Variants in PRDM16 observed in about 807,000 individuals in gnomAD.
The protein encoded by PRDM16 is histone-lysine N-methyltransferase PRDM16.
In PRDM16, 23 loss-of-function variants were observed where a neutral mutation model predicts 110.6. The ratio of observed to expected loss-of-function variants is 0.21; its 90% CI spans 0.15 to 0.29. The LOEUF is 0.29. Among genes scored for constraint, PRDM16 ranks in the 10% least tolerant of loss-of-function variants. The probability of loss-of-function intolerance (pLI) is 1.00; values close to 1 mark genes in which losing one functional copy is unlikely to be tolerated. For missense variants in PRDM16, 1,615 were observed against 1,794.3 expected, an observed-to-expected ratio of 0.90 and a Z score of 1.81; for synonymous variants, 799 against 781.8, an observed-to-expected ratio of 1.02 and a Z score of -0.37.
chr1:3,380,363 G>A (rs1032189412), intron 3 of PRDM16, among the ~76,000 whole-genome samples: 1 of 152,026 alleles, frequency 6.6e-6, no homozygotes, highest in Admixed American at 6.5e-5. Context: ...GGGCCACCAG[G>A]TGTAACTCCC....
In PRDM16 at chr1:3,227,986, A is replaced by G. The variant is rs561353965; in HGVS notation, c.388-16101A>G. On this transcript the variant is annotated intron_variant, in intron 2 of 16. Coordinates refer to ENST00000270722, the MANE Select transcript of PRDM16 (RefSeq NM_022114.4). Reference sequence around the variant, plus strand: ...CTGTTTCGAGCCGTGGGCTCTTCGCAGTATCCCAGGCTTCACAGTCACATC... The same window carrying G: ...CTGTTTCGAGCCGTGGGCTCTTCGCGGTATCCCAGGCTTCACAGTCACATC... 8.4e-4 allele frequency among the ~76,000 whole-genome samples: 128 copies of G among 152,354 alleles called. 2 individuals are homozygous for G. Among genetic ancestry groups the G allele is most frequent in the Non-Finnish European group, 1.7e-3 (113 of 68,034 alleles).
At chr1:3,180,165 T>C (rs1226407019) in intron 1 of PRDM16, among the ~76,000 whole-genome samples, 1 of 151,802 alleles carries the variant, frequency 6.6e-6, no homozygotes, top group East Asian at 1.9e-4. Flanking sequence ...GTTGTTTCTG[T>C]TTTTTGTTTT....
At chr1:3,126,153 C>T (rs1336752014) in intron 1 of PRDM16, among the ~76,000 whole-genome samples, 2 of 152,218 alleles carry the variant, frequency 1.3e-5, no homozygotes, top group Non-Finnish European at 2.9e-5. Context: ...GAGAAAGGGG[C>T]CATTGTGGGC....
chr1:3,424,795 C>CTGGT (rs1465457469), intron 12 of PRDM16: 1 of 152,552 alleles, frequency 6.6e-6, no homozygotes, highest in Non-Finnish European at 1.5e-5. Flanking sequence ...TCACAGGGAG[C>CTGGT]TGGTCTGGGA....
intron 2 of PRDM16, among the ~76,000 whole-genome samples, chr1:3,202,805 C>T (rs940168682): frequency 2.0e-5 from 3 of 152,202 alleles, no homozygotes; most frequent in Admixed American, 6.5e-5. Context: ...AGCAAGCCAT[C>T]GTGGCCTCTG....
intron 3 of PRDM16, among the ~76,000 whole-genome samples, chr1:3,323,573 G>A (rs1450938172): frequency 1.3e-5 from 2 of 152,236 alleles, no homozygotes; most frequent in East Asian, 3.8e-4. Context: ...CCCGCCAGCT[G>A]CCGCCAGTGC....
intron 1 of PRDM16, among the ~76,000 whole-genome samples, chr1:3,090,561 T>C (rs2981876): frequency 0.027 from 4,081 of 152,324 alleles, 160 homozygotes; most frequent in African/African-American, 0.093. Context: ...CTGTGCTCTC[T>C]CCAGGTGTGG....
At chr1:3,288,597 C>T (rs1352512436) in intron 3 of PRDM16, among the ~76,000 whole-genome samples, 1 of 152,172 alleles carries the variant, frequency 6.6e-6, no homozygotes, top group African/African-American at 2.4e-5. Flanking sequence ...CCTGTGCTCA[C>T]CTAGGGGTCC....
intron 1 of PRDM16, among the ~76,000 whole-genome samples, chr1:3,174,062 C>G (rs1644058924): frequency 6.6e-6 from 1 of 152,188 alleles, no homozygotes; most frequent in Non-Finnish European, 1.5e-5. Context: ...TGCTCCTACT[C>G]CGGAGGCCAG....
intron 8 of PRDM16, among the ~76,000 whole-genome samples, chr1:3,411,172 C>G (rs1569726348): frequency 6.6e-6 from 1 of 152,182 alleles, no homozygotes; most frequent in African/African-American, 2.4e-5. Flanking sequence ...CACACATGCA[C>G]CTGCCTGTGT....
intron 3 of PRDM16, among the ~76,000 whole-genome samples, chr1:3,335,188 G>C (rs903843876): frequency 1.3e-5 from 2 of 152,214 alleles, no homozygotes; most frequent in African/African-American, 4.8e-5. Context: ...CAGCCCCAGC[G>C]TCCTGCTCTG....
At chr1:3,273,470 A>G (rs1355966893) in intron 3 of PRDM16, among the ~76,000 whole-genome samples, 1 of 150,916 alleles carries the variant, frequency 6.6e-6, no homozygotes, top group Non-Finnish European at 1.5e-5. Flanking sequence ...GTGTGAGTGA[A>G]TGTGTGTGCA....
intron 1 of PRDM16, among the ~76,000 whole-genome samples, chr1:3,076,728 G>A (rs747756533): frequency 1.3e-5 from 2 of 152,190 alleles, no homozygotes; most frequent in Non-Finnish European, 1.5e-5. Context: ...AGGCTTTACC[G>A]GGGCTTCTTA....
intron 1 of PRDM16, among the ~76,000 whole-genome samples, chr1:3,114,561 A>C (rs986209510): frequency 2.0e-5 from 3 of 150,884 alleles, no homozygotes; most frequent in African/African-American, 7.3e-5. Flanking sequence ...CACGTGCACA[A>C]ACAAGCACAC....
Position 3,425,773 on chromosome 1 carries a change from GC to G in PRDM16, c.3109+28del. ...CAGGTGGGCCACGCGGGGTGGGGCA[GC>G]CCCCAGAGCACCCACACGGGCAGGC... is the stretch of plus-strand genomic sequence containing the variant. On this transcript the variant is annotated intron_variant, in intron 13 of 16. Coordinates refer to ENST00000270722, the MANE Select transcript of PRDM16 (RefSeq NM_022114.4). The surrounding 1 kb of genome is among the most constrained non-coding windows in gnomAD (Gnocchi z 6.9). The G allele has an allele frequency of 6.2e-7, 1 of 1,612,018 alleles. No homozygotes were observed. The highest frequency in any genetic ancestry group is 8.5e-7 in the Non-Finnish European group (1 of 1,179,200).
intron 4 of PRDM16, among the ~76,000 whole-genome samples, chr1:3,389,788 G>C (rs796509625): frequency 1.3e-4 from 20 of 152,314 alleles, no homozygotes; most frequent in African/African-American, 4.8e-4. Flanking sequence ...CGGGGACCGA[G>C]CCTTTCCCCT....
At chr1:3,384,799 A>G (rs577442910) in intron 3 of PRDM16, among the ~76,000 whole-genome samples, 2 of 152,308 alleles carry the variant, frequency 1.3e-5, no homozygotes, top group South Asian at 2.1e-4. Context: ...CTGCTCCCAG[A>G]TGCAGCAGTC....
intron 1 of PRDM16, among the ~76,000 whole-genome samples, chr1:3,073,262 G>A (rs2472826): frequency 0.12 from 17,842 of 152,234 alleles, 2,120 homozygotes; most frequent in African/African-American, 0.3. Context: ...GTGGCAGCTC[G>A]CTGGGCCGCT....
chr1:3,367,184 T>A (rs1642831027), intron 3 of PRDM16, among the ~76,000 whole-genome samples: 2 of 151,830 alleles, frequency 1.3e-5, no homozygotes, highest in South Asian at 4.2e-4. Context: ...CAGGAGAATC[T>A]CTTGAACCCG....
Sources: allele counts gnomAD v4.1 joint callset (sites outside exome capture counted in the v4.1 genomes callset), GRCh38; gene constraint gnomAD v4.1.1; non-coding constraint Gnocchi (gnomAD v3.1); transcripts MANE v1.5; gene names NCBI Gene and HGNC (gene_info 2026-07-23, HGNC 2026-07-21).